SNX16: variants seen among roughly 807,000 people sequenced by gnomAD.
The protein encoded by SNX16 is sorting nexin 16.
Under a neutral mutation model 36.7 loss-of-function variants are expected in SNX16, and 35 were observed. That is an observed-to-expected ratio of 0.95 (90% confidence interval 0.73 to 1.27). The LOEUF (loss-of-function observed/expected upper bound fraction) is 1.27, where lower values mean the gene tolerates loss of function less well. SNX16 is among the 50% of genes most tolerant of loss of function. The pLI is 0.00. For synonymous variants in SNX16, 134 were observed against 132.0 expected (o/e 1.02, Z -0.10); for missense variants, 367 against 393.6 (o/e 0.93, Z 0.57).
chr8:81,840,162 T>C, intron 1 of SNX16, 80 bp from the exon 2 acceptor site: 1 of 662,274 alleles, frequency 1.5e-6, no homozygotes, highest in Non-Finnish European at 2.4e-6. Flanking sequence ...TTTTCAATTT[T>C]ATGACACTAT....
chr8:81,808,058 A>T lies in SNX16; in HGVS notation c.682-4830T>A, dbSNP rs1810049332. 1.0e-5 allele frequency: 10 copies of T among 1,000,528 alleles called. No homozygotes were observed. The South Asian group carries it at 1.3e-4, about 13-fold the overall frequency. 62.0% of individuals were successfully genotyped at this position (1,000,528 alleles called of 1,614,324 possible). On this transcript the variant is annotated intron_variant, in intron 5 of 7. Coordinates refer to ENST00000345957, the MANE Select transcript of SNX16 (RefSeq NM_152836.3). The stretch of plus-strand genomic sequence containing the variant: ...AGAGCTGTCTCAAGGGAAGATTCTC[A>T]AAGACCAGTTGCCTACTTAACTGTG...
intron 5 of SNX16, among the ~76,000 whole-genome samples, chr8:81,812,906 C>A (rs1810326035): frequency 6.6e-6 from 1 of 151,780 alleles, no homozygotes; most frequent in South Asian, 2.1e-4. Context: ...ATATTGGAGC[C>A]AAGTTTATAT....
At chr8:81,806,988 G>A (rs1809983264) in intron 5 of SNX16, among the ~76,000 whole-genome samples, 1 of 151,578 alleles carries the variant, frequency 6.6e-6, no homozygotes, top group East Asian at 1.9e-4. Context: ...TCTATTAATA[G>A]GAAGATTCAA....
intron 3 of SNX16, among the ~76,000 whole-genome samples, chr8:81,828,087 C>G (rs1811091516): frequency 1.3e-5 from 2 of 152,138 alleles, no homozygotes; most frequent in Non-Finnish European, 2.9e-5. Context: ...TAATTCTTCA[C>G]TTTTAGAAAT....
chr8:81,803,534 T>C (rs2130578782), intron 5 of SNX16, among the ~76,000 whole-genome samples: 1 of 151,822 alleles, frequency 6.6e-6, no homozygotes, highest in Non-Finnish European at 1.5e-5. Context: ...GGATAAAAAA[T>C]AATTGGCAAC....
At chr8:81,818,330 T>A (rs946717236) in intron 4 of SNX16, among the ~76,000 whole-genome samples, 27 of 152,216 alleles carry the variant, frequency 1.8e-4, no homozygotes, top group African/African-American at 6.5e-4. Context: ...TTAAATTTTC[T>A]TTTTTAAATT....
chr8:81,812,024 G>A (rs1457440124), intron 5 of SNX16, among the ~76,000 whole-genome samples: 1 of 152,036 alleles, frequency 6.6e-6, no homozygotes, highest in Non-Finnish European at 1.5e-5. Flanking sequence ...GAAAAGCACA[G>A]TAACTGAAAA....
At chr8:81,834,506 G>T (rs1811408042) in intron 2 of SNX16, among the ~76,000 whole-genome samples, 1 of 152,114 alleles carries the variant, frequency 6.6e-6, no homozygotes, top group African/African-American at 2.4e-5. Context: ...GAGACAAGAA[G>T]TCCCTTCCGT....
At position 81,801,470 on chromosome 8, in the gene SNX16, T is replaced by G. The variant is rs1402096146; in HGVS notation, c.*27A>C. 2 of 1,399,514 alleles carry G rather than the reference T, an allele frequency of 1.4e-6. No homozygotes were observed. The highest frequency in any genetic ancestry group is 2.0e-6 in the Non-Finnish European group (2 of 1,012,882). 86.7% of individuals were successfully genotyped at this position (1,399,514 alleles called of 1,614,324 possible). ...CACTCTTCTAAATTTTTGAATAGTC[T>G]AAATGGAGGGAACTGCTTGTGATAC... is the stretch of plus-strand genomic sequence containing the variant. On this transcript the variant is annotated 3_prime_UTR_variant, in exon 8 of 8. Transcript: ENST00000345957.
intron 5 of SNX16, among the ~76,000 whole-genome samples, chr8:81,811,204 G>C (rs1407870268): frequency 2.0e-5 from 3 of 152,136 alleles, no homozygotes; most frequent in Non-Finnish European, 4.4e-5. Context: ...GAGACAAAAT[G>C]GTAGCCGAAA....
chr8:81,825,767 A>T (rs1810986365), intron 3 of SNX16, among the ~76,000 whole-genome samples: 2 of 152,190 alleles, frequency 1.3e-5, no homozygotes, highest in South Asian at 4.1e-4. Flanking sequence ...GTAAATTATA[A>T]CATTCTGTCT....
At chr8:81,822,966 A>ATGTGTATATG (rs36048974) in intron 4 of SNX16, among the ~76,000 whole-genome samples, 2 of 126,934 alleles carry the variant, frequency 1.6e-5, no homozygotes, top group African/African-American at 2.8e-5. Context: ...ATATATATAT[A>ATGTGTATATG]TATATATATA....
intron 4 of SNX16, chr8:81,815,753 C>T (rs1191125344): frequency 6.0e-6 from 1 of 166,094 alleles, no homozygotes; most frequent in Non-Finnish European, 1.3e-5. Context: ...AATGCAATTT[C>T]TAATTTATAC....
intron 3 of SNX16, among the ~76,000 whole-genome samples, chr8:81,827,446 T>C (rs2130726777): frequency 6.6e-6 from 1 of 152,276 alleles, no homozygotes; most frequent in South Asian, 2.1e-4. Flanking sequence ...CATGAATTGC[T>C]TTTATCTTTC....
intron 4 of SNX16, among the ~76,000 whole-genome samples, chr8:81,821,252 C>A (rs1214318972): frequency 1.3e-5 from 2 of 151,838 alleles, no homozygotes; most frequent in African/African-American, 4.8e-5. Context: ...AAGACCATTA[C>A]CACTGTTCTG....
chr8:81,840,030 C>T lies in SNX16; in HGVS notation c.-44G>A, dbSNP rs1274893949. ...ACAAGCTTGCACACTGTTGAGTCCACTTAGAGAACAACTAATATGCAATCC... is the reference window on the plus strand; with the variant it reads ...ACAAGCTTGCACACTGTTGAGTCCATTTAGAGAACAACTAATATGCAATCC... On this transcript the variant is annotated 5_prime_UTR_variant, in exon 2 of 8. It adds an upstream start codon to the 5' untranslated region. Coordinates refer to ENST00000345957, the MANE Select transcript of SNX16 (RefSeq NM_152836.3). The T allele has an allele frequency of 5.9e-6, 9 of 1,525,568 alleles. No homozygotes were observed. The highest frequency in any genetic ancestry group is 7.9e-6 in the Non-Finnish European group (9 of 1,142,208). The allele number at this position is 1,525,568 out of a possible 1,614,324, so 94.5% of individuals were successfully genotyped here.
At chr8:81,841,810 A>T (rs939693472) in intron 1 of SNX16, 3 of 152,240 alleles carry the variant, frequency 2.0e-5, no homozygotes, top group Non-Finnish European at 4.4e-5. Context: ...GGCAAATACC[A>T]GGCACAGTTC....
At chr8:81,829,381 A>G (rs758898643) in intron 3 of SNX16, 49 bp downstream of exon 3, 2 of 822,092 alleles carry the variant, frequency 2.4e-6, no homozygotes, top group South Asian at 5.7e-5. Context: ...TAGGAAACAG[A>G]AAAGAATTCA....
rs146303376 is a variant in SNX16, at chr8:81,810,401, T to C, written c.681+4924A>G. ...AATTTTACACTCCAAGAAATGTGGG[T>C]TAATAAGTCATTTTGGGATTTTTCT... On this transcript the variant is annotated intron_variant, in intron 5 of 7. Transcript: ENST00000345957. 5.0e-3 allele frequency among the ~76,000 whole-genome samples: 762 copies of C among 152,246 alleles called. 8 individuals carry two copies. Among genetic ancestry groups the C allele is most frequent in the African/African-American group, 0.017 (708 of 41,548 alleles).
Sources: gnomAD v4.1 joint callset for allele counts (sites outside exome capture counted in the v4.1 genomes callset) on GRCh38, gnomAD v4.1.1 for gene constraint, MANE v1.5 for transcripts, NCBI Gene and HGNC (gene_info 2026-07-23, HGNC 2026-07-21) for gene names.